WNT8A: variants seen among roughly 807,000 people sequenced by gnomAD.
WNT8A encodes protein Wnt-8a.
WNT8A carries 14 observed loss-of-function variants against 20.5 expected under a neutral mutation model. The ratio of observed to expected loss-of-function variants is 0.68; its 90% CI spans 0.45 to 1.07. The LOEUF is 1.07. Among genes scored for constraint, WNT8A ranks in the 50% least tolerant of loss-of-function variants. The pLI is 0.00. For synonymous variants in WNT8A, 167 were observed against 169.2 expected (o/e 0.99, Z 0.10); for missense variants, 397 against 462.9 (o/e 0.86, Z 1.31).
At chr5:138,079,467 T>G (rs1750449306), upstream of WNT8A, among the ~76,000 whole-genome samples, 1 of 151,902 alleles carries the variant, frequency 6.6e-6, no homozygotes, top group African/African-American at 2.4e-5. Flanking sequence ...TTATACCCAT[T>G]ATATCTATAT....
chr5:138,082,662 G>A (rs565948739), upstream of WNT8A, among the ~76,000 whole-genome samples: 7 of 151,708 alleles, frequency 4.6e-5, no homozygotes, highest in South Asian at 4.2e-4. Flanking sequence ...GGTGGATCAC[G>A]AGATTAAGAG....
chr5:138,079,720 G>A (rs1261431575), upstream of WNT8A, among the ~76,000 whole-genome samples: 1 of 152,142 alleles, frequency 6.6e-6, no homozygotes, highest in African/African-American at 2.4e-5. Context: ...CTAGTCTTCA[G>A]CTCTAGATTT....
At chr5:138,085,177 C>T (rs529175996) in intron 2 of WNT8A, among the ~76,000 whole-genome samples, 1 of 152,292 alleles carries the variant, frequency 6.6e-6, no homozygotes, top group South Asian at 2.1e-4. Flanking sequence ...TCAGGTGATC[C>T]ACCCACCTCA....
chr5:138,080,281 A>G (rs1043180421), upstream of WNT8A, among the ~76,000 whole-genome samples: 3 of 149,936 alleles, frequency 2.0e-5, no homozygotes, highest in Non-Finnish European at 4.4e-5. Flanking sequence ...CTGAGATTGC[A>G]CCACTGCACT....
In WNT8A at chr5:138,089,027, C is replaced by T; in HGVS notation, c.522C>T (p.Ala174=). Residue 174 remains alanine (A), a synonymous_variant, in exon 4 of 5, where the codon GCC becomes GCT. Transcript: ENST00000506684. The part of the protein sequence containing the change: ...FVDSLEKGKD[A]RALMNLHNNR... ...ACAGTTTGGAGAAGGGGAAGGATGC[C>T]AGAGCCCTGATGAATCTTCACAACA... The T allele has an allele frequency of 6.2e-7, 1 of 1,613,756 alleles. No individual in the cohort carries two copies. The highest frequency in any genetic ancestry group is 8.5e-7 in the Non-Finnish European group (1 of 1,180,018).
downstream of WNT8A, chr5:138,091,953 G>C (rs182161494): frequency 4.6e-5 from 7 of 152,246 alleles, no homozygotes; most frequent in Admixed American, 4.6e-4. Flanking sequence ...GGGGGTTTTT[G>C]CAGCTCATAA....
At chr5:138,087,382 C>T (rs1157862427) in intron 2 of WNT8A, among the ~76,000 whole-genome samples, 1 of 150,988 alleles carries the variant, frequency 6.6e-6, no homozygotes, top group African/African-American at 2.4e-5. Context: ...TGACCAGCCA[C>T]AGTGGTTCAC....
chr5:138,085,484 C>T (rs566456291), intron 2 of WNT8A, among the ~76,000 whole-genome samples: 2 of 152,030 alleles, frequency 1.3e-5, no homozygotes, highest in East Asian at 1.9e-4. Flanking sequence ...AACTGTGTGC[C>T]GTAGTTTGCA....
chr5:138,087,937 T>G lies in WNT8A; in HGVS notation c.421+6T>G. The G allele has an allele frequency of 6.2e-7, 1 of 1,613,332 alleles. No individual in the cohort carries two copies. The highest frequency in any genetic ancestry group is 8.5e-7 in the Non-Finnish European group (1 of 1,179,564). On this transcript the variant is annotated splice_donor_region_variant and intron_variant, in intron 3 of 4. Transcript: ENST00000506684. ...GTCAAACAATGGAAAAACAGGTAAG[T>G]TGAGCTTTCTAATGGGGGTGGGAAG...
chr5:138,087,450 C>T (rs1475254543), intron 2 of WNT8A, among the ~76,000 whole-genome samples: 4 of 151,854 alleles, frequency 2.6e-5, no homozygotes, highest in African/African-American at 7.3e-5. Flanking sequence ...GTCAAGAGAT[C>T]GAGACCATCC....
chr5:138,079,692 C>G (rs973513794), upstream of WNT8A, among the ~76,000 whole-genome samples: 5 of 152,166 alleles, frequency 3.3e-5, no homozygotes, highest in Non-Finnish European at 7.4e-5. Flanking sequence ...TCATCTGTCC[C>G]TACCATCATC....
chr5:138,088,322 T>C (rs1442510717), intron 3 of WNT8A, among the ~76,000 whole-genome samples: 1 of 151,800 alleles, frequency 6.6e-6, no homozygotes, highest in African/African-American at 2.4e-5. Flanking sequence ...TGTAGAATAA[T>C]GGTGCAGAAT....
chr5:138,087,792 C>A lies in WNT8A; in HGVS notation c.296-14C>A, dbSNP rs758488779. 2.5e-6 allele frequency: 4 copies of A among 1,610,872 alleles called. No individual in the cohort carries two copies. The highest frequency in any genetic ancestry group is 3.4e-6 in the Non-Finnish European group (4 of 1,178,018). On this transcript the variant is annotated splice_polypyrimidine_tract_variant and intron_variant, in intron 2 of 4. Coordinates refer to ENST00000506684, the MANE Select transcript of WNT8A (RefSeq NM_001300939.2). ...GGTCCAGGTTTCCAGTCAGTTCCCT[C>A]TCTCTCTCCAAAGCTACCAGAGAGA...
At chr5:138,089,138 G>A in intron 4 of WNT8A, 69 bp downstream of exon 4, 2 of 1,567,352 alleles carry the variant, frequency 1.3e-6, no homozygotes, top group Non-Finnish European at 1.7e-6. Flanking sequence ...AATTTACCAA[G>A]AGCTGTCTTA....
intron 2 of WNT8A, among the ~76,000 whole-genome samples, chr5:138,084,903 T>C (rs574792273): frequency 1.3e-5 from 2 of 152,168 alleles, no homozygotes; most frequent in African/African-American, 2.4e-5. Context: ...ATGAGGTGTC[T>C]CTATGTATGA....
downstream of WNT8A, among the ~76,000 whole-genome samples, chr5:138,091,833 AAATAAATAAAT>A (rs1253286821): frequency 9.4e-6 from 1 of 106,420 alleles, no homozygotes; most frequent in African/African-American, 3.2e-5. Context: ...ACTAAAAAAT[AAATAAATAAAT>A]AAATAAATAA....
In WNT8A at chr5:138,084,372, C is replaced by T. The variant is rs1750591837; in HGVS notation, c.156+89C>T. The T allele has an allele frequency of 2.6e-5, 41 of 1,559,626 alleles. No individual in the cohort carries two copies. In the South Asian group the frequency reaches 5.0e-4, roughly 19 times the overall value. ...AAGAGGGGCGGGGACAGTGCCAGAG[C>T]CCCTCACCCAGAGGAACCCATGGTT... is the stretch of plus-strand genomic sequence containing the variant. On this transcript the variant is annotated intron_variant, in intron 1 of 4. Transcript: ENST00000506684.
chr5:138,090,648 A>G lies in WNT8A; in HGVS notation c.685A>G (p.Lys229Glu). The G allele has an allele frequency of 6.2e-7, 1 of 1,614,238 alleles. No homozygotes were observed. Among genetic ancestry groups the G allele is most frequent in the East Asian group, 2.2e-5 (1 of 44,886 alleles). Residue 229 changes from lysine to glutamate, a missense_variant, in exon 5 of 5, where the codon AAG (lysine) becomes GAG (glutamate). By Grantham distance (56) the Lys-to-Glu change is moderately conservative (BLOSUM62 1). Transcript: ENST00000506684. ...GGAGATGGGAGACTACCTAAAGGCC[A>G]AGTATGACCAGGCGCTGAAAATTGA... is the stretch of plus-strand genomic sequence containing the variant. Reference protein sequence around the residue: ...FREMGDYLKAKYDQALKIEMD... With the variant: ...FREMGDYLKAEYDQALKIEMD...
At chr5:138,081,132 A>G (rs1750500755), upstream of WNT8A, among the ~76,000 whole-genome samples, 1 of 151,486 alleles carries the variant, frequency 6.6e-6, no homozygotes, top group African/African-American at 2.4e-5. Flanking sequence ...AGGCTGAGGC[A>G]GGAGAATGGC....
Sources: gnomAD v4.1 joint callset for allele counts (sites outside exome capture counted in the v4.1 genomes callset) on GRCh38, gnomAD v4.1.1 for gene constraint, MANE v1.5 for transcripts, NCBI Gene and HGNC (gene_info 2026-07-23, HGNC 2026-07-21) for gene names.